Variants in RPA1 observed in about 807,000 individuals in gnomAD.
RPA1 encodes the protein replication protein A 70 kDa DNA-binding subunit.
RPA1 carries 49 observed loss-of-function variants against 83.0 expected under a neutral mutation model. The ratio of observed to expected loss-of-function variants is 0.59; its 90% confidence interval spans 0.47 to 0.75. The LOEUF (loss-of-function observed/expected upper bound fraction) is 0.75. Ranked by LOEUF, RPA1 falls within the 30% of genes least tolerant of loss-of-function variation. The pLI, the probability that RPA1 is intolerant of heterozygous loss-of-function variation, is 0.00. For synonymous variants in RPA1, 279 were observed against 281.8 expected, an observed-to-expected ratio of 0.99 and a Z score of 0.10; for missense variants, 693 against 776.1, an observed-to-expected ratio of 0.89 and a Z score of 1.27.
intron 13 of RPA1, among the ~76,000 whole-genome samples, chr17:1,887,000 TGAA>T (rs1204733906): frequency 6.6e-6 from 1 of 152,110 alleles, no homozygotes; most frequent in Non-Finnish European, 1.5e-5. Flanking sequence ...TTCACAGAAT[TGAA>T]GAAAGGTGAG....
chr17:1,853,071 T>C, intron 4 of RPA1, 30 bp from the exon 5 acceptor site: 1 of 1,590,040 alleles, frequency 6.3e-7, no homozygotes, highest in Non-Finnish European at 8.6e-7. Context: ...TTTGTTTTTC[T>C]AACCTGTTTC....
intron 14 of RPA1, among the ~76,000 whole-genome samples, chr17:1,891,238 AT>A (rs1914189991): frequency 6.6e-6 from 1 of 152,134 alleles, no homozygotes; most frequent in Admixed American, 6.5e-5. Flanking sequence ...TTGATTGCTC[AT>A]TTCCTTTGCC....
rs778524981 is a variant in RPA1, at chr17:1,897,058, T to C, written c.1747-13T>C. The C allele has an allele frequency of 7.7e-6, 12 of 1,558,146 alleles. No individual in the cohort carries two copies. Among genetic ancestry groups the C allele is most frequent in the Non-Finnish European group, 1.0e-5 (12 of 1,150,062 alleles). The stretch of plus-strand genomic sequence containing the variant: ...ACTTTCACTGCTCACAAACTACTTC[T>C]CCCTTTTTGAAGGACGAGTCTCGAA... On this transcript the variant is annotated splice_polypyrimidine_tract_variant and intron_variant, in intron 16 of 16. Coordinates refer to ENST00000254719, the MANE Select transcript of RPA1 (RefSeq NM_002945.5).
At chr17:1,891,394 C>G (rs996054231) in intron 14 of RPA1, among the ~76,000 whole-genome samples, 1 of 152,200 alleles carries the variant, frequency 6.6e-6, no homozygotes, top group African/African-American at 2.4e-5. Flanking sequence ...CCGATTCACT[C>G]AAAACCCTTC....
At chr17:1,862,764 C>T (rs1438445817) in intron 5 of RPA1, among the ~76,000 whole-genome samples, 2 of 142,388 alleles carry the variant, frequency 1.4e-5, no homozygotes, top group Non-Finnish European at 3.0e-5. Context: ...CTTTGTTGCC[C>T]AGGCTGGAGT....
At chr17:1,875,357 G>A (rs187091124) in intron 6 of RPA1, among the ~76,000 whole-genome samples, 8 of 152,236 alleles carry the variant, frequency 5.3e-5, no homozygotes, top group Non-Finnish European at 7.3e-5. Context: ...TTAAGAGGGC[G>A]GCCTTCAGAA....
Position 1,895,298 on chromosome 17 carries a change from C to CG in RPA1, c.1746+210dup, listed in dbSNP as rs17339256. On this transcript the variant is annotated intron_variant, in intron 16 of 16. Coordinates refer to ENST00000254719, the MANE Select transcript of RPA1 (RefSeq NM_002945.5). ...CTTAAGTGTCTTGTCGAAACAATGG[C>CG]GGGGGGGTGGGGAATACAATATGGA... 9.7e-3 allele frequency among the ~76,000 whole-genome samples: 1,421 copies of CG among 147,168 alleles called. 25 individuals carry two copies. The highest frequency in any genetic ancestry group is 0.033 in the African/African-American group (1,301 of 39,694).
chr17:1,856,267 C>T (rs1375816134), intron 5 of RPA1, among the ~76,000 whole-genome samples: 1 of 151,208 alleles, frequency 6.6e-6, no homozygotes, highest in Non-Finnish European at 1.5e-5. Flanking sequence ...GGCACCAGTG[C>T]ACTCTAGCCT....
At chr17:1,877,090 A>G (rs1913599248) in intron 7 of RPA1, 122 bp from the exon 8 acceptor site, 1 of 857,774 alleles carries the variant, frequency 1.2e-6, no homozygotes, top group Admixed American at 2.2e-5. Flanking sequence ...AATTAGCTGG[A>G]TTAAAATACA....
At chr17:1,832,036 C>T (rs1161764740) in intron 1 of RPA1, among the ~76,000 whole-genome samples, 1 of 150,446 alleles carries the variant, frequency 6.6e-6, no homozygotes, top group Non-Finnish European at 1.5e-5. Flanking sequence ...TCAGGCAGTT[C>T]TCGTGCCTCT....
intron 5 of RPA1, among the ~76,000 whole-genome samples, chr17:1,862,240 G>A (rs1035824290): frequency 1.4e-4 from 16 of 117,680 alleles, no homozygotes; most frequent in African/African-American, 5.5e-4. Flanking sequence ...AGTCTATGTT[G>A]TCCAGGCTGG....
At chr17:1,878,213 C>CGACA (rs1216583219) in intron 8 of RPA1, among the ~76,000 whole-genome samples, 3 of 152,062 alleles carry the variant, frequency 2.0e-5, no homozygotes, top group Non-Finnish European at 4.4e-5. Context: ...CCAGCCTGGG[C>CGACA]GACAGAGTGA....
At chr17:1,879,436 G>C in intron 10 of RPA1, 29 bp downstream of exon 10, 1 of 1,612,182 alleles carries the variant, frequency 6.2e-7, no homozygotes, top group Non-Finnish European at 8.5e-7. Flanking sequence ...AGGAAGAGCA[G>C]GGATGACTAG....
chr17:1,854,680 G>A (rs1912621589), intron 5 of RPA1, among the ~76,000 whole-genome samples: 1 of 152,098 alleles, frequency 6.6e-6, no homozygotes, highest in Non-Finnish European at 1.5e-5. Context: ...CTCCAGCCTG[G>A]GAACACAGCA....
Position 1,850,856 on chromosome 17 carries a change from C to T in RPA1, c.273-2245C>T, listed in dbSNP as rs1214530149. On this transcript the variant is annotated intron_variant, in intron 4 of 16. Transcript: ENST00000254719. ...GCAGTGAGCTGAGATTGTGCCACTG[C>T]GCTCCAGCCTGGGTGACAGAGTGAG... 2.7e-5 allele frequency among the ~76,000 whole-genome samples: 4 copies of T among 149,966 alleles called. 1 individual carries two copies. Among genetic ancestry groups the T allele is most frequent in the South Asian group, 4.2e-4 (2 of 4,738 alleles).
chr17:1,890,270 A>G (rs950418920), intron 14 of RPA1, among the ~76,000 whole-genome samples: 16 of 152,150 alleles, frequency 1.1e-4, no homozygotes, highest in African/African-American at 3.6e-4. Flanking sequence ...AGGCTGAGGT[A>G]GGAGGATCGC....
At chr17:1,835,990 G>A (rs1275542775) in intron 1 of RPA1, among the ~76,000 whole-genome samples, 1 of 152,104 alleles carries the variant, frequency 6.6e-6, no homozygotes, top group Non-Finnish European at 1.5e-5. Context: ...AAAGAAAGAG[G>A]TGTTTAATGT....
chr17:1,863,772 T>TA (rs1913076239), intron 5 of RPA1, among the ~76,000 whole-genome samples: 1 of 152,254 alleles, frequency 6.6e-6, no homozygotes, highest in Admixed American at 6.5e-5. Context: ...AAATGGTTGT[T>TA]ATGTTTTCAG....
At position 1,879,048 on chromosome 17, in the gene RPA1, T is replaced by C. The variant is rs766540306; in HGVS notation, c.746T>C (p.Ile249Thr). 2.5e-6 allele frequency: 4 copies of C among 1,614,134 alleles called. No homozygotes were observed. Among genetic ancestry groups the C allele is most frequent in the Admixed American group, 3.3e-5 (2 of 60,016 alleles). Residue 249 changes from isoleucine to threonine, a missense_variant, in exon 9 of 17, where the codon ATT (isoleucine) becomes ACT (threonine). Transcript: ENST00000254719. ...CAAGTGGACAAGTTCTTTCCTCTTA[T>C]TGAAGTGAACAAGGTATGGCCGTGC... ...NEQVDKFFPL[I>T]EVNKVYYFSK...
Sources: gnomAD v4.1 joint callset for allele counts (sites outside exome capture counted in the v4.1 genomes callset) on GRCh38, gnomAD v4.1.1 for gene constraint, MANE v1.5 for transcripts, NCBI Gene and HGNC (gene_info 2026-07-23, HGNC 2026-07-21) for gene names.